Variants in MYO16 observed in about 807,000 individuals in gnomAD.
MYO16 encodes the protein myosin XVI.
A neutral mutation model predicts 205.3 loss-of-function variants in MYO16; 94 were observed. The ratio of observed to expected loss-of-function variants is 0.46; its 90% confidence interval spans 0.39 to 0.54. The LOEUF is 0.54. MYO16 is among the 20% of genes least tolerant of loss of function. MYO16 has a pLI of 0.00. For missense variants in MYO16, 2,315 were observed against 2,387.5 expected (o/e 0.97, Z 0.63); for synonymous variants, 988 against 954.0 (o/e 1.04, Z -0.66).
intron 1 of MYO16, among the ~76,000 whole-genome samples, chr13:108,645,902 G>A (rs1437293767): frequency 6.6e-6 from 1 of 152,198 alleles, no homozygotes; most frequent in Non-Finnish European, 1.5e-5. Context: ...TCCCAGCTCA[G>A]ACTGAACAGA....
intron 4 of MYO16, among the ~76,000 whole-genome samples, chr13:108,765,861 T>C (rs1221986093): frequency 6.6e-6 from 1 of 152,198 alleles, no homozygotes; most frequent in Non-Finnish European, 1.5e-5. Context: ...CCTGAGGTCA[T>C]AAGTACTGAC....
intron 1 of MYO16, among the ~76,000 whole-genome samples, chr13:108,616,498 T>C (rs1879355275): frequency 6.6e-6 from 1 of 152,098 alleles, no homozygotes; most frequent in Admixed American, 6.6e-5. Context: ...ATGGGTCATA[T>C]GATGATGACT....
At chr13:108,926,611 G>A (rs1209317586) in intron 16 of MYO16, among the ~76,000 whole-genome samples, 1 of 152,148 alleles carries the variant, frequency 6.6e-6, no homozygotes, top group African/African-American at 2.4e-5. Flanking sequence ...GAACAGGAGG[G>A]CGTGAGTGGA....
intron 2 of MYO16, among the ~76,000 whole-genome samples, chr13:108,669,721 C>T (rs899388262): frequency 1.3e-5 from 2 of 152,032 alleles, no homozygotes; most frequent in African/African-American, 4.8e-5. Flanking sequence ...GGTACATATA[C>T]ACCATGGAAT....
At chr13:108,554,881 A>C in the MYO16 span, among the ~76,000 whole-genome samples, 3 of 151,424 alleles carry the variant, frequency 2.0e-5, no homozygotes, top group East Asian at 5.8e-4. Flanking sequence ...AAAGAAAGAA[A>C]ATCATCTGTC....
chr13:108,847,981 C>G (rs561675742), intron 10 of MYO16, among the ~76,000 whole-genome samples: 2 of 152,224 alleles, frequency 1.3e-5, no homozygotes, highest in African/African-American at 4.8e-5. Flanking sequence ...GAAGTTATGA[C>G]AGCCTGGAGT....
intron 2 of MYO16, among the ~76,000 whole-genome samples, chr13:108,693,988 G>A (rs533362188): frequency 6.6e-6 from 1 of 152,248 alleles, no homozygotes; most frequent in Admixed American, 6.5e-5. Flanking sequence ...GTGTTAGTTT[G>A]CTAAGAATAA....
chr13:109,101,456 TGG>T (rs1888964940), intron 28 of MYO16: 1 of 152,284 alleles, frequency 6.6e-6, no homozygotes, highest in South Asian at 2.1e-4. Context: ...TCCATTTGAA[TGG>T]TAGACCCTAG....
At chr13:109,031,256 T>C (rs1285700500) in intron 23 of MYO16, among the ~76,000 whole-genome samples, 4 of 152,046 alleles carry the variant, frequency 2.6e-5, no homozygotes, top group African/African-American at 9.7e-5. Flanking sequence ...CACACCCGGC[T>C]GATTTTTGTA....
At chr13:108,559,434 C>T in the MYO16 span, among the ~76,000 whole-genome samples, 393 of 151,456 alleles carry the variant, frequency 2.6e-3, 5 homozygotes, top group Non-Finnish European at 1.8e-3. Context: ...TTAAGCGACC[C>T]AGTTTGTGGT....
At chr13:109,158,801 TAAATC>T (rs1254259481) in intron 32 of MYO16, among the ~76,000 whole-genome samples, 5 of 152,128 alleles carry the variant, frequency 3.3e-5, no homozygotes, top group Non-Finnish European at 5.9e-5. Context: ...AATGAGAAAA[TAAATC>T]AAAGTATACG....
At chr13:108,943,480 C>A (rs577800329) in intron 16 of MYO16, among the ~76,000 whole-genome samples, 2 of 151,734 alleles carry the variant, frequency 1.3e-5, no homozygotes, top group African/African-American at 4.8e-5. Context: ...TTTTTTGAGA[C>A]GGAGTCTCAC....
At chr13:108,999,938 C>T (rs867446241) in intron 21 of MYO16, among the ~76,000 whole-genome samples, 11 of 152,108 alleles carry the variant, frequency 7.2e-5, no homozygotes, top group Admixed American at 2.0e-4. Context: ...ATAAACTCTT[C>T]GTAAATTTTA....
intron 5 of MYO16, 38 bp downstream of exon 5, chr13:108,785,781 T>A: frequency 4.6e-6 from 6 of 1,298,736 alleles, no homozygotes; most frequent in Non-Finnish European, 2.2e-6. Flanking sequence ...AAAAAATAGA[T>A]TGGGAGAATT....
intron 4 of MYO16, among the ~76,000 whole-genome samples, chr13:108,733,658 T>A (rs1294760226): frequency 6.6e-6 from 1 of 152,174 alleles, no homozygotes; most frequent in Non-Finnish European, 1.5e-5. Flanking sequence ...GGGAAGAATA[T>A]TAAGAAATAT....
At position 108,740,231 on chromosome 13, in the gene MYO16, GC is replaced by G. The variant is rs536545275; in HGVS notation, c.507+12649del. On this transcript the variant is annotated intron_variant, in intron 4 of 34. Coordinates refer to ENST00000457511, the MANE Select transcript of MYO16 (RefSeq NM_001198950.3). Reference sequence around the variant, plus strand: ...GGTGCTCTGATTTGTAGAATTTTCAGCTTTTTGGCTCTGTTTTTTCCCCATC... The same window carrying G: ...GGTGCTCTGATTTGTAGAATTTTCAGTTTTTGGCTCTGTTTTTTCCCCATC... 3.1e-3 allele frequency among the ~76,000 whole-genome samples: 459 copies of G among 149,784 alleles called. 2 individuals are homozygous for G. Among genetic ancestry groups the G allele is most frequent in the African/African-American group, 0.011 (441 of 40,820 alleles).
intron 27 of MYO16, among the ~76,000 whole-genome samples, chr13:109,057,380 T>G (rs1332855894): frequency 6.6e-6 from 1 of 151,908 alleles, no homozygotes; most frequent in Non-Finnish European, 1.5e-5. Flanking sequence ...AAGATATTTG[T>G]GTTTAAAATT....
intron 21 of MYO16, among the ~76,000 whole-genome samples, chr13:109,001,180 T>TA (rs1162148246): frequency 4.2e-5 from 6 of 143,078 alleles, no homozygotes; most frequent in African/African-American, 7.8e-5. Context: ...AATAAAAAAT[T>TA]TAAAAAAAAA....
chr13:108,638,982 G>A (rs559428622), intron 1 of MYO16, among the ~76,000 whole-genome samples: 2 of 152,302 alleles, frequency 1.3e-5, no homozygotes, highest in Admixed American at 6.5e-5. Context: ...ACCATGTTGT[G>A]ACTGCGTAGT....
Sources: allele counts gnomAD v4.1 joint callset (sites outside exome capture counted in the v4.1 genomes callset), GRCh38; gene constraint gnomAD v4.1.1; transcripts MANE v1.5; gene names NCBI Gene and HGNC (gene_info 2026-07-23, HGNC 2026-07-21).